The following SSH1 variants were observed in gnomAD, a reference collection of about 807,000 sequenced individuals.
SSH1 encodes slingshot protein phosphatase 1.
Under a neutral mutation model 79.7 loss-of-function variants are expected in SSH1, and 43 were observed. The ratio of observed to expected loss-of-function variants is 0.54; its 90% CI spans 0.42 to 0.70. The LOEUF is 0.70. Among genes scored for constraint, SSH1 ranks in the 30% least tolerant of loss-of-function variants. SSH1 has a pLI of 0.00. For synonymous variants in SSH1, 599 were observed against 538.3 expected (o/e 1.11, Z -1.56); for missense variants, 1,206 against 1,358.8 (o/e 0.89, Z 1.77).
chr12:108,804,942 T>C, intron 10 of SSH1, 114 bp downstream of exon 10: 2 of 1,344,920 alleles, frequency 1.5e-6, no homozygotes, highest in Non-Finnish European at 2.1e-6. Context: ...ATGGAGGCTC[T>C]GGCAACTCAA....
chr12:108,846,117 G>A (rs745508885), intron 2 of SSH1, among the ~76,000 whole-genome samples: 6 of 152,136 alleles, frequency 3.9e-5, no homozygotes, highest in East Asian at 3.9e-4. Context: ...AAGGGAGTGC[G>A]GAGAGAAAGG....
intron 2 of SSH1, among the ~76,000 whole-genome samples, chr12:108,843,502 C>T (rs1246654907): frequency 1.3e-5 from 2 of 151,962 alleles, no homozygotes; most frequent in Non-Finnish European, 2.9e-5. Context: ...TCTGTTGGTG[C>T]CATCTTGAAA....
chr12:108,792,031 GAT>G, intron 14 of SSH1: 2 of 1,436,254 alleles, frequency 1.4e-6, no homozygotes, highest in South Asian at 1.6e-5. Flanking sequence ...GGTGTGCAGA[GAT>G]ATGTGTTATT....
At position 108,811,322 on chromosome 12, in the gene SSH1, G is replaced by A; in HGVS notation, c.408C>T (p.Ser136=). 6.2e-7 allele frequency: 1 copy of A among 1,614,222 alleles called. No individual in the cohort carries two copies. Among genetic ancestry groups the A allele is most frequent in the South Asian group, 1.1e-5 (1 of 91,088 alleles). The change falls in exon 6 of 15, where the codon AGC becomes AGT. Residue 136 remains serine (S), a synonymous_variant. Coordinates refer to ENST00000326495, the MANE Select transcript of SSH1 (RefSeq NM_018984.4). Reference sequence around the variant, plus strand: ...GTCGGAGAACCATCCCAATGGTGCAGCTTTTACTGCGATGGGGGAGAGAAG... The same window carrying A: ...GTCGGAGAACCATCCCAATGGTGCAACTTTTACTGCGATGGGGGAGAGAAG... The part of the protein sequence containing the change: ...GVDFSSKESK[S]CTIGMVLRLW...
Position 108,792,762 on chromosome 12 carries a change from G to T in SSH1, c.1417C>A (p.Pro473Thr). The T allele has an allele frequency of 6.2e-7, 1 of 1,613,986 alleles. No individual in the cohort carries two copies. Among genetic ancestry groups the T allele is most frequent in the Admixed American group, 1.7e-5 (1 of 60,032 alleles). The part of the protein sequence containing the change: ...DSSLQQPVDD[P>T]AGPGDFLPET... ...GGCAAGAAGTCGCCAGGTCCTGCAGGGTCATCCACAGGCTGCTGGAGGCTG... is the reference window on the plus strand; with the variant it reads ...GGCAAGAAGTCGCCAGGTCCTGCAGTGTCATCCACAGGCTGCTGGAGGCTG... The change falls in exon 14 of 15, where the codon CCT becomes ACT. Residue 473 changes from proline to threonine, a missense_variant. Pro to Thr is a conservative substitution (Grantham distance 38). This residue lies in a region of SSH1 where 166 missense variants were observed against 262.9 expected (regional missense o/e 0.63). Coordinates refer to ENST00000326495, the MANE Select transcript of SSH1 (RefSeq NM_018984.4).
chr12:108,841,809 C>T (rs992050606), intron 2 of SSH1, among the ~76,000 whole-genome samples: 31 of 147,852 alleles, frequency 2.1e-4, no homozygotes, highest in African/African-American at 7.1e-4. Context: ...CTCCATCCCC[C>T]CCCACAAAAA....
In SSH1 at chr12:108,788,798, C is replaced by T; in HGVS notation, c.2340G>A (p.Lys780=). The part of the protein sequence containing the change: ...EVVIKEESSP[K]KDMKPAKDLR... ...GGTCCTTGGCTGGCTTCATATCTTT[C>T]TTGGGTGACGATTCTTCCTTTATTA... Residue 780 remains lysine, a synonymous_variant, in exon 15 of 15, where the codon AAG becomes AAA. Transcript: ENST00000326495. The T allele has an allele frequency of 6.2e-7, 1 of 1,614,230 alleles. No homozygotes were observed.
chr12:108,792,952 C>T (rs2036578693), intron 13 of SSH1, 123 bp from the exon 14 acceptor site: 1 of 1,146,028 alleles, frequency 8.7e-7, no homozygotes, highest in Non-Finnish European at 1.3e-6. Context: ...CGATCCATGG[C>T]TCATTCAGGT....
chr12:108,804,558 C>A (rs1250933885), intron 10 of SSH1, among the ~76,000 whole-genome samples: 1 of 152,212 alleles, frequency 6.6e-6, no homozygotes, highest in Admixed American at 6.5e-5. Flanking sequence ...TGGAGCCGTG[C>A]ATGGAAAAGC....
At chr12:108,844,239 T>C (rs982150197) in intron 2 of SSH1, among the ~76,000 whole-genome samples, 5 of 151,454 alleles carry the variant, frequency 3.3e-5, no homozygotes, top group Non-Finnish European at 7.4e-5. Context: ...GCCAAACCCA[T>C]GCCCATCCCT....
intron 9 of SSH1, among the ~76,000 whole-genome samples, chr12:108,805,523 G>A (rs1240905379): frequency 6.6e-6 from 1 of 151,920 alleles, no homozygotes; most frequent in Non-Finnish European, 1.5e-5. Context: ...TATCTTTCTT[G>A]GAAAGATATC....
intron 2 of SSH1, among the ~76,000 whole-genome samples, chr12:108,828,792 G>A (rs1411976887): frequency 6.6e-6 from 1 of 152,192 alleles, no homozygotes; most frequent in African/African-American, 2.4e-5. Flanking sequence ...CAGCCACGCT[G>A]ACCAAGAAGT....
intron 9 of SSH1, among the ~76,000 whole-genome samples, chr12:108,805,609 G>C (rs1483258467): frequency 1.3e-5 from 2 of 151,400 alleles, no homozygotes; most frequent in Non-Finnish European, 2.9e-5. Flanking sequence ...CTGTAATCCC[G>C]GCACTCTGGG....
chr12:108,857,443 C>T lies in SSH1; in HGVS notation c.54G>A (p.Ser18=), dbSNP rs1446354043. The change falls in exon 1 of 15, where the codon TCG becomes TCA. Residue 18 remains serine, a synonymous_variant. Transcript: ENST00000326495. The surrounding 1 kb of genome is among the most constrained non-coding windows in gnomAD (Gnocchi z 4.7). The part of the protein sequence containing the change: ...RSPTPSAASS[S]ASNSELEAGS... ...CGGGGCTCACCTCGCTGTTGCTGGCCGAGGAGGAGGCGGCGCTGGGCGTGG... is the reference window on the plus strand; with the variant it reads ...CGGGGCTCACCTCGCTGTTGCTGGCTGAGGAGGAGGCGGCGCTGGGCGTGG... 4 of 1,112,274 alleles carry T rather than the reference C, an allele frequency of 3.6e-6. No homozygotes were observed. The highest frequency in any genetic ancestry group is 1.7e-5 in the African/African-American group (1 of 59,610). The allele number at this position is 1,112,274 out of a possible 1,614,324, so 68.9% of individuals were successfully genotyped here.
intron 14 of SSH1, among the ~76,000 whole-genome samples, chr12:108,791,701 G>A (rs1036922860): frequency 1.2e-4 from 18 of 152,206 alleles, no homozygotes; most frequent in African/African-American, 4.1e-4. Flanking sequence ...CAAGGCTGCA[G>A]TGAACCGTGA....
intron 2 of SSH1, among the ~76,000 whole-genome samples, chr12:108,850,817 A>G (rs952696696): frequency 4.0e-5 from 3 of 74,954 alleles, no homozygotes; most frequent in South Asian, 8.7e-4. Flanking sequence ...GGAGGAGAAC[A>G]GGTGGAGAGA....
intron 5 of SSH1, among the ~76,000 whole-genome samples, chr12:108,815,458 G>A (rs1450203863): frequency 6.6e-6 from 1 of 152,228 alleles, no homozygotes; most frequent in Non-Finnish European, 1.5e-5. Context: ...AGCATTATTG[G>A]AACAGGCCAC....
intron 1 of SSH1, chr12:108,853,447 A>G: frequency 1.5e-6 from 1 of 682,124 alleles, no homozygotes; most frequent in Non-Finnish European, 1.8e-6. Flanking sequence ...TATGTTGCAC[A>G]GAGGCGCCCA....
intron 12 of SSH1, 75 bp from the exon 13 acceptor site, chr12:108,799,275 C>G: frequency 8.0e-7 from 1 of 1,251,134 alleles, no homozygotes; most frequent in Non-Finnish European, 1.1e-6. Context: ...GCTCCAACAA[C>G]TTCATTCTCT....
Sources: allele counts gnomAD v4.1 joint callset (sites outside exome capture counted in the v4.1 genomes callset), GRCh38; gene constraint gnomAD v4.1.1; regional missense constraint gnomAD v4.1.1; non-coding constraint Gnocchi (gnomAD v3.1); transcripts MANE v1.5; gene names NCBI Gene and HGNC (gene_info 2026-07-23, HGNC 2026-07-21).